PCCA: variants seen among roughly 807,000 people sequenced by gnomAD.
PCCA encodes propionyl-CoA carboxylase alpha chain, mitochondrial.
PCCA carries 74 observed loss-of-function variants against 101.3 expected under a neutral mutation model. That is an observed-to-expected ratio of 0.73 (90% confidence interval 0.61 to 0.89). The LOEUF is 0.89. Ranked by LOEUF, PCCA falls within the 40% of genes least tolerant of loss-of-function variation. The pLI is 0.00. For synonymous variants in PCCA, 294 were observed against 313.6 expected (o/e 0.94, Z 0.66); for missense variants, 891 against 907.0 (o/e 0.98, Z 0.23).
chr13:100,423,949 A>G (rs1282505738), intron 19 of PCCA, among the ~76,000 whole-genome samples: 1 of 152,142 alleles, frequency 6.6e-6, no homozygotes, highest in Non-Finnish European at 1.5e-5. Context: ...CTCGCTGTTG[A>G]GGCTTTGAAA....
intron 7 of PCCA, among the ~76,000 whole-genome samples, chr13:100,216,870 A>T (rs1241740534): frequency 6.6e-6 from 1 of 152,214 alleles, no homozygotes; most frequent in East Asian, 1.9e-4. Context: ...GCACTTTGGG[A>T]GGCCGAGGTG....
chr13:100,421,376 G>A (rs918345397), intron 19 of PCCA, among the ~76,000 whole-genome samples: 4 of 151,990 alleles, frequency 2.6e-5, no homozygotes, highest in African/African-American at 9.7e-5. Flanking sequence ...CACATGTATA[G>A]TTATTTTTTT....
intron 18 of PCCA, among the ~76,000 whole-genome samples, chr13:100,361,634 G>A (rs1007760220): frequency 6.6e-6 from 1 of 151,926 alleles, no homozygotes; most frequent in Non-Finnish European, 1.5e-5. Context: ...AATATAAATG[G>A]CCACTGAGCA....
intron 20 of PCCA, among the ~76,000 whole-genome samples, chr13:100,440,575 A>G (rs951558103): frequency 2.4e-4 from 37 of 152,076 alleles, no homozygotes; most frequent in Admixed American, 2.3e-3. Context: ...ATAAAGCGGC[A>G]TACATTTTTG....
intron 21 of PCCA, among the ~76,000 whole-genome samples, chr13:100,450,177 G>A (rs986083043): frequency 6.6e-6 from 1 of 152,152 alleles, no homozygotes; most frequent in Non-Finnish European, 1.5e-5. Context: ...AAGGTCAGGA[G>A]TTTGAGACCA....
chr13:100,214,620 G>T (rs1261078195), intron 7 of PCCA, among the ~76,000 whole-genome samples: 1 of 151,878 alleles, frequency 6.6e-6, no homozygotes, highest in African/African-American at 2.4e-5. Flanking sequence ...TAGAGACGGG[G>T]TTTTACCATG....
intron 6 of PCCA, among the ~76,000 whole-genome samples, chr13:100,197,039 C>T (rs1199082364): frequency 3.9e-5 from 6 of 152,136 alleles, no homozygotes; most frequent in Admixed American, 3.9e-4. Context: ...ATATTCCAGT[C>T]TTCTCTAATG....
intron 4 of PCCA, among the ~76,000 whole-genome samples, chr13:100,114,648 G>A (rs1258854789): frequency 6.6e-6 from 1 of 152,070 alleles, no homozygotes; most frequent in African/African-American, 2.4e-5. Flanking sequence ...CTCAAAAGAA[G>A]ACATACAAAT....
intron 6 of PCCA, among the ~76,000 whole-genome samples, chr13:100,187,752 C>T (rs1270896941): frequency 6.6e-6 from 1 of 151,998 alleles, no homozygotes; most frequent in Non-Finnish European, 1.5e-5. Context: ...ATGGGGGTGG[C>T]ACTCTTTTTA....
chr13:100,201,001 A>G (rs1450907945), intron 6 of PCCA, among the ~76,000 whole-genome samples: 1 of 152,174 alleles, frequency 6.6e-6, no homozygotes, highest in Non-Finnish European at 1.5e-5. Flanking sequence ...GAATTAGAGT[A>G]TCTCACAATT....
At chr13:100,457,648 T>G (rs2081845806) in intron 21 of PCCA, among the ~76,000 whole-genome samples, 1 of 152,180 alleles carries the variant, frequency 6.6e-6, no homozygotes, top group African/African-American at 2.4e-5. Flanking sequence ...GCACCTGCCC[T>G]TTGATCTGGA....
intron 6 of PCCA, among the ~76,000 whole-genome samples, chr13:100,184,807 A>G (rs938244202): frequency 1.3e-5 from 2 of 152,262 alleles, no homozygotes; most frequent in Non-Finnish European, 2.9e-5. Flanking sequence ...AAAAACATAA[A>G]AAACCTTTCT....
intron 12 of PCCA, among the ~76,000 whole-genome samples, chr13:100,284,314 A>T (rs1344402173): frequency 1.3e-5 from 2 of 152,230 alleles, no homozygotes; most frequent in Non-Finnish European, 2.9e-5. Flanking sequence ...GAATATGAGA[A>T]ACAAGTTACC....
chr13:100,309,477 ATGTCT>A (rs1275824752), intron 15 of PCCA, among the ~76,000 whole-genome samples: 1 of 152,186 alleles, frequency 6.6e-6, no homozygotes, highest in African/African-American at 2.4e-5. Context: ...TAGGGAAAAA[ATGTCT>A]TATCTAATCC....
intron 19 of PCCA, among the ~76,000 whole-genome samples, chr13:100,382,809 A>T (rs924970998): frequency 6.6e-6 from 1 of 152,200 alleles, no homozygotes; most frequent in African/African-American, 2.4e-5. Flanking sequence ...ATCCATGTAA[A>T]CAATCTGTAC....
intron 22 of PCCA, among the ~76,000 whole-genome samples, chr13:100,518,131 A>G (rs1281437745): frequency 2.0e-5 from 3 of 152,138 alleles, no homozygotes; most frequent in African/African-American, 7.2e-5. Flanking sequence ...TAAAACAACT[A>G]AGGGCCTTAC....
chr13:100,357,095 G>T (rs1269401251), intron 18 of PCCA, among the ~76,000 whole-genome samples: 9 of 152,148 alleles, frequency 5.9e-5, no homozygotes, highest in Non-Finnish European at 1.3e-4. Context: ...ATGAGGCAAT[G>T]AAAACGTTTT....
chr13:100,488,620 G>GT (rs1370836335), intron 21 of PCCA, among the ~76,000 whole-genome samples: 1 of 121,670 alleles, frequency 8.2e-6, no homozygotes, highest in Non-Finnish European at 1.7e-5. Context: ...TACAAGTTTT[G>GT]TTTTTTTGTT....
chr13:100,188,840 A>G (rs1002896959), intron 6 of PCCA, among the ~76,000 whole-genome samples: 2 of 150,850 alleles, frequency 1.3e-5, no homozygotes, highest in Non-Finnish European at 2.9e-5. Context: ...TTTGTTGGCC[A>G]TCTGTATATC....
Sources: gnomAD v4.1 joint callset for allele counts (sites outside exome capture counted in the v4.1 genomes callset) on GRCh38, gnomAD v4.1.1 for gene constraint, MANE v1.5 for transcripts, NCBI Gene and HGNC (gene_info 2026-07-23, HGNC 2026-07-21) for gene names.